ZNF385D: variants seen among roughly 807,000 people sequenced by gnomAD.
The protein encoded by ZNF385D is zinc finger protein 385D, also known as zinc finger protein 659.
In ZNF385D, 15 loss-of-function variants were observed where a neutral mutation model predicts 35.8. That is an observed-to-expected ratio of 0.42 (90% CI 0.28 to 0.64). ZNF385D has a LOEUF of 0.64. Ranked by LOEUF, ZNF385D falls within the 30% of genes least tolerant of loss-of-function variation. The probability of loss-of-function intolerance (pLI) is 0.23; values close to 1 mark genes in which losing one functional copy is unlikely to be tolerated. For synonymous variants in ZNF385D, 212 were observed against 186.8 expected (o/e 1.13, Z -1.10); for missense variants, 474 against 494.6 (o/e 0.96, Z 0.39).
chr3:21,452,561 A>G (rs1442886982), intron 4 of ZNF385D, among the ~76,000 whole-genome samples: 1 of 152,046 alleles, frequency 6.6e-6, no homozygotes, highest in Non-Finnish European at 1.5e-5. Context: ...ACTAATTTCT[A>G]TACACTAGCA....
chr3:21,525,309 G>A lies in ZNF385D; in HGVS notation c.277-14286C>T, dbSNP rs185060545. ...ATTTGAGGAAGAAATGCCAAACAGA[G>A]ACTGCATTTGGCGTGTATTTTTTTT... On this transcript the variant is annotated intron_variant, in intron 3 of 7. Transcript: ENST00000281523. Among the ~76,000 whole-genome samples the A allele has an allele frequency of 5.4e-3, 826 of 152,170 alleles. 2 individuals are homozygous for A. Among genetic ancestry groups the A allele is most frequent in the Non-Finnish European group, 8.2e-3 (559 of 68,000 alleles).
intron 3 of ZNF385D, among the ~76,000 whole-genome samples, chr3:21,901,556 T>A (rs1242266267): frequency 6.6e-6 from 1 of 152,196 alleles, no homozygotes; most frequent in Admixed American, 6.6e-5. Flanking sequence ...CACTGTGATA[T>A]AAGCTTTAGA....
At chr3:22,180,060 A>G (rs1424758965) in intron 2 of ZNF385D, among the ~76,000 whole-genome samples, 1 of 152,206 alleles carries the variant, frequency 6.6e-6, no homozygotes, top group African/African-American at 2.4e-5. Flanking sequence ...AAAGAAGAAA[A>G]GAGAGAATAA....
intron 3 of ZNF385D, among the ~76,000 whole-genome samples, chr3:22,089,553 C>T (rs1701216575): frequency 6.6e-6 from 1 of 152,068 alleles, no homozygotes; most frequent in Non-Finnish European, 1.5e-5. Context: ...GGCTGGTGAC[C>T]AGCAGCACAC....
At chr3:21,445,527 T>C (rs933378792) in intron 4 of ZNF385D, among the ~76,000 whole-genome samples, 2 of 152,250 alleles carry the variant, frequency 1.3e-5, no homozygotes, top group East Asian at 1.9e-4. Context: ...CATGTCTTTT[T>C]AGCCTAATTT....
intron 3 of ZNF385D, among the ~76,000 whole-genome samples, chr3:21,778,637 C>G (rs1433991378): frequency 6.6e-6 from 1 of 151,884 alleles, no homozygotes; most frequent in Non-Finnish European, 1.5e-5. Flanking sequence ...AATCACATCA[C>G]ATATCTTTAT....
intron 3 of ZNF385D, among the ~76,000 whole-genome samples, chr3:22,091,913 G>T (rs1050400159): frequency 6.6e-6 from 1 of 152,104 alleles, no homozygotes; most frequent in Non-Finnish European, 1.5e-5. Flanking sequence ...GAACTGTGGT[G>T]GAATTTGAGG....
intron 2 of ZNF385D, among the ~76,000 whole-genome samples, chr3:22,244,808 A>C (rs780424924): frequency 6.6e-6 from 1 of 150,388 alleles, no homozygotes; most frequent in Non-Finnish European, 1.5e-5. Context: ...ATTTTGGGGG[A>C]ATTTTTTTCC....
intron 3 of ZNF385D, among the ~76,000 whole-genome samples, chr3:21,931,106 A>G (rs1328385911): frequency 6.6e-6 from 1 of 152,186 alleles, no homozygotes; most frequent in Non-Finnish European, 1.5e-5. Context: ...TTTCAATCCA[A>G]TAATAAAAAG....
chr3:21,560,662 C>T (rs570852869), intron 3 of ZNF385D, among the ~76,000 whole-genome samples: 37 of 152,314 alleles, frequency 2.4e-4, no homozygotes, highest in African/African-American at 7.5e-4. Flanking sequence ...CTTAGCAGAG[C>T]TCGAACGCTG....
intron 4 of ZNF385D, among the ~76,000 whole-genome samples, chr3:21,487,295 G>GTT (rs5847103): frequency 2.6e-5 from 4 of 151,512 alleles, no homozygotes; most frequent in Middle Eastern, 3.4e-3. Context: ...ATTGTAGTGG[G>GTT]TTTTTTTTCT....
chr3:21,862,022 G>C (rs1697081590), intron 3 of ZNF385D, among the ~76,000 whole-genome samples: 2 of 152,166 alleles, frequency 1.3e-5, no homozygotes, highest in South Asian at 2.1e-4. Flanking sequence ...CTGGTCATAT[G>C]AGCTAAATAA....
At chr3:21,597,481 G>A (rs892584679) in intron 2 of ZNF385D, among the ~76,000 whole-genome samples, 8 of 152,054 alleles carry the variant, frequency 5.3e-5, no homozygotes, top group African/African-American at 1.9e-4. Context: ...AAATGGCATA[G>A]GAATTTATAA....
intron 3 of ZNF385D, among the ~76,000 whole-genome samples, chr3:21,887,799 T>C (rs1024753293): frequency 2.0e-5 from 3 of 152,112 alleles, no homozygotes; most frequent in Non-Finnish European, 4.4e-5. Context: ...ATACCATCTT[T>C]TCCTATATCA....
At chr3:21,796,504 C>T (rs1290247821) in intron 3 of ZNF385D, among the ~76,000 whole-genome samples, 1 of 152,104 alleles carries the variant, frequency 6.6e-6, no homozygotes, top group African/African-American at 2.4e-5. Flanking sequence ...TAATGTAATT[C>T]ATCACATCAA....
chr3:22,345,336 A>G (rs1480743915), intron 2 of ZNF385D, among the ~76,000 whole-genome samples: 2 of 152,222 alleles, frequency 1.3e-5, no homozygotes, highest in Admixed American at 6.5e-5. Flanking sequence ...TGACACTTCA[A>G]AAATAAATGA....
At chr3:21,712,002 T>C (rs1165651555) in intron 1 of ZNF385D, among the ~76,000 whole-genome samples, 2 of 151,994 alleles carry the variant, frequency 1.3e-5, no homozygotes, top group Non-Finnish European at 2.9e-5. Context: ...ATTATAACAA[T>C]ACTATCTAAT....
chr3:22,078,912 G>T (rs954877497), intron 3 of ZNF385D, among the ~76,000 whole-genome samples: 2 of 151,924 alleles, frequency 1.3e-5, no homozygotes, highest in Non-Finnish European at 2.9e-5. Flanking sequence ...AACAAAGTAT[G>T]CTTTGTCAAA....
chr3:21,861,841 C>G (rs1016094708), intron 3 of ZNF385D, among the ~76,000 whole-genome samples: 3 of 152,052 alleles, frequency 2.0e-5, no homozygotes, highest in African/African-American at 7.2e-5. Context: ...CCAATGAGTA[C>G]CTAGCATTCC....
Sources: allele counts gnomAD v4.1 joint callset (sites outside exome capture counted in the v4.1 genomes callset), GRCh38; gene constraint gnomAD v4.1.1; transcripts MANE v1.5; gene names NCBI Gene and HGNC (gene_info 2026-07-23, HGNC 2026-07-21).